The following PHLDB3 variants were observed in gnomAD, a reference collection of about 807,000 sequenced individuals.
The protein encoded by PHLDB3 is pleckstrin homology-like domain family B member 3.
Under a neutral mutation model 85.7 loss-of-function variants are expected in PHLDB3, and 86 were observed. The ratio of observed to expected loss-of-function variants is 1.00; its 90% CI spans 0.84 to 1.20. PHLDB3 has a LOEUF of 1.20. Ranked by LOEUF, PHLDB3 falls within the 50% of genes most tolerant of loss-of-function variation. The pLI is 0.00. For missense variants in PHLDB3, 995 were observed against 873.0 expected, an observed-to-expected ratio of 1.14 and a Z score of -1.76; for synonymous variants, 376 against 349.8, an observed-to-expected ratio of 1.07 and a Z score of -0.83.
At position 43,502,251 on chromosome 19, in the gene PHLDB3, G is replaced by A; in HGVS notation, c.246C>T (p.Ala82=). The part of the protein sequence containing the change: ...PEATPPIAMA[A]TPPASTSSRE... ...GCGAAGAGGTGGATGCGGGAGGTGTGGCCGCCATAGCTATCGGAGGCGTAG... is the reference window on the plus strand; with the variant it reads ...GCGAAGAGGTGGATGCGGGAGGTGTAGCCGCCATAGCTATCGGAGGCGTAG... Residue 82 remains alanine (A), a synonymous_variant, in exon 3 of 16, where the codon GCC becomes GCT. Transcript: ENST00000292140. 1 of 1,564,246 alleles carries A rather than the reference G, an allele frequency of 6.4e-7. No individual in the cohort carries two copies. Among genetic ancestry groups the A allele is most frequent in the Non-Finnish European group, 8.6e-7 (1 of 1,157,330 alleles).
rs1035599310 is a variant in PHLDB3, at chr19:43,501,724, C to T, written c.534+10G>A. 6.3e-7 allele frequency: 1 copy of T among 1,582,504 alleles called. No individual in the cohort carries two copies. The highest frequency in any genetic ancestry group is 8.5e-7 in the Non-Finnish European group (1 of 1,170,990). ...ACACTGCTGATGAAGACCCGGTGAG[C>T]CAAACAGACCTGTTCCCGCTGCTGG... is the stretch of plus-strand genomic sequence containing the variant. On this transcript the variant is annotated intron_variant, in intron 4 of 15. Transcript: ENST00000292140.
In PHLDB3 at chr19:43,479,570, AGGGTGGGGTGGGGT is replaced by A; in HGVS notation, c.1495_1508del (p.Thr499SerfsTer54). ...GGAGATCCAAGATTCGCGGGCCTGG[AGGGTGGGGTGGGGT>A]GGGTGGGGCCTGGGGAGCAAAGAGA... is the stretch of plus-strand genomic sequence containing the variant. On this transcript the variant is annotated frameshift_variant, in exon 14 of 16. Coordinates refer to ENST00000292140, the MANE Select transcript of PHLDB3 (RefSeq NM_198850.4). LOFTEE classifies it high-confidence loss of function. 4 of 145,890 alleles carry A rather than the reference AGGGTGGGGTGGGGT, an allele frequency of 2.7e-5. No homozygotes were observed. The highest frequency in any genetic ancestry group is 4.7e-5 in the Non-Finnish European group (4 of 84,724). 9.0% of individuals were successfully genotyped at this position (145,890 alleles called of 1,614,324 possible). A position where few individuals can be genotyped will look rare whatever the true frequency, so the allele number is the denominator to read the frequency against.
chr19:43,486,259 G>GCCC lies in PHLDB3; in HGVS notation c.1485+6_1485+7insGGG. 1 of 665,630 alleles carries GCCC rather than the reference G, an allele frequency of 1.5e-6. No individual in the cohort carries two copies. The highest frequency in any genetic ancestry group is 4.9e-5 in the East Asian group (1 of 20,374). 41.2% of individuals were successfully genotyped at this position (665,630 alleles called of 1,614,324 possible). The stretch of plus-strand genomic sequence containing the variant: ...GAGGTGGGCGTGAGGGCGGGGGTGG[G>GCCC]ACTGACCGTGATGGCAGGAACAGCA... On this transcript the variant is annotated splice_region_variant and intron_variant, in intron 13 of 15. Transcript: ENST00000292140.
At chr19:43,488,640 C>T (rs975333926) in intron 9 of PHLDB3, among the ~76,000 whole-genome samples, 4 of 151,966 alleles carry the variant, frequency 2.6e-5, no homozygotes, top group Admixed American at 1.3e-4. Context: ...AATTCCAATT[C>T]TAGAAATTCA....
rs1476604932 is a variant in PHLDB3 at position 43,497,354 on chromosome 19, C to A, written c.664-75G>T. On this transcript the variant is annotated intron_variant, in intron 5 of 15. Coordinates refer to ENST00000292140, the MANE Select transcript of PHLDB3 (RefSeq NM_198850.4). ...AGGGAGTAGTGGGCTGGGGCTGGGA[C>A]TCCTGGTCAGAGGAAGAAGGTGACT... The A allele has an allele frequency of 2.5e-6, 3 of 1,210,720 alleles. No homozygotes were observed. In the East Asian group the frequency reaches 8.8e-5, roughly 36 times the overall value. 75.0% of individuals were successfully genotyped at this position (1,210,720 alleles called of 1,614,324 possible).
intron 4 of PHLDB3, among the ~76,000 whole-genome samples, chr19:43,500,021 C>G (rs1004176352): frequency 6.6e-6 from 1 of 152,096 alleles, no homozygotes; most frequent in Non-Finnish European, 1.5e-5. Flanking sequence ...GGGCAGATCA[C>G]CTGAGGTCAG....
rs997355110 is a variant in PHLDB3 at position 43,487,071 on chromosome 19, C to A, written c.1202G>T (p.Arg401Met). ...TGSLPRKRGERGSQRGSPRPL... is the reference protein window; with the variant it reads ...TGSLPRKRGEMGSQRGSPRPL... Reference sequence around the variant, plus strand: ...TCGGGGGGATCCTCTCTGGCTCCCCCTCTCCCCCCTTTTCCGGGGCAGGCT... The same window carrying A: ...TCGGGGGGATCCTCTCTGGCTCCCCATCTCCCCCCTTTTCCGGGGCAGGCT... Residue 401 changes from arginine to methionine, a missense_variant, in exon 10 of 16, where the codon AGG becomes ATG. Transcript: ENST00000292140. The A allele has an allele frequency of 1.3e-6, 2 of 1,580,034 alleles. No homozygotes were observed. The highest frequency in any genetic ancestry group is 1.7e-6 in the Non-Finnish European group (2 of 1,163,562).
At chr19:43,492,758 A>C (rs1651016691) in intron 9 of PHLDB3, among the ~76,000 whole-genome samples, 1 of 152,164 alleles carries the variant, frequency 6.6e-6, no homozygotes, top group South Asian at 2.1e-4. Context: ...TATAACATGG[A>C]AACAAGAACC....
In PHLDB3 at chr19:43,495,522, C is replaced by T. The variant is rs1035541004; in HGVS notation, c.924G>A (p.Lys308=). ...AAESRGLSRK[K]EEALQALSQE... is the part of the protein sequence containing the mutation. Reference sequence around the variant, plus strand: ...GTGACAGGGCCTGAAGGGCCTCCTCCTTCTTCCGGCTCAACCCCCGGCTCT... The same window carrying T: ...GTGACAGGGCCTGAAGGGCCTCCTCTTTCTTCCGGCTCAACCCCCGGCTCT... The change falls in exon 7 of 16, where the codon AAG becomes AAA. Residue 308 remains lysine, a synonymous_variant. Transcript: ENST00000292140. 1.2e-6 allele frequency: 2 copies of T among 1,606,410 alleles called. No individual in the cohort carries two copies. The highest frequency in any genetic ancestry group is 1.1e-5 in the South Asian group (1 of 89,662).
chr19:43,488,474 CA>C (rs1307337273), intron 9 of PHLDB3, among the ~76,000 whole-genome samples: 1 of 151,734 alleles, frequency 6.6e-6, no homozygotes. Flanking sequence ...ATAAGTAAAA[CA>C]AAAAAACAAA....
rs1599931775 is a variant in PHLDB3 at position 43,479,436 on chromosome 19, G to C, written c.1643C>G (p.Thr548Ser). The change falls in exon 14 of 16, where the codon ACC (threonine) becomes AGC (serine). Residue 548 changes from threonine (T) to serine (S), a missense_variant. Thr to Ser is a moderately conservative substitution (Grantham distance 58). Transcript: ENST00000292140. ...PLVKMGGRIK[T>S]WRKRWFCFDR... ...AAAGCAGAACCATCGCTTCCTCCAG[G>C]TCTTGATGCGGCCGCCCATCTTCAC... 1.3e-6 allele frequency: 2 copies of C among 1,567,462 alleles called. No homozygotes were observed. The highest frequency in any genetic ancestry group is 1.7e-6 in the Non-Finnish European group (2 of 1,156,514).
Position 43,481,324 on chromosome 19 carries a change from A to G in PHLDB3, c.1486-1731T>C, listed in dbSNP as rs966612182. ...ATGGCGAAACCCCGTCTCTACAAAAAATACAAAAATTAGGCTGGGCGTGGT... is the reference window on the plus strand; with the variant it reads ...ATGGCGAAACCCCGTCTCTACAAAAGATACAAAAATTAGGCTGGGCGTGGT... On this transcript the variant is annotated intron_variant, in intron 13 of 15. Coordinates refer to ENST00000292140, the MANE Select transcript of PHLDB3 (RefSeq NM_198850.4). Among the ~76,000 whole-genome samples, 17 of 152,172 alleles carry G rather than the reference A, an allele frequency of 1.1e-4. 1 individual carries two copies. The highest frequency in any genetic ancestry group is 6.3e-3 in the Middle Eastern group (2 of 316).
At chr19:43,480,615 G>A (rs1971026354) in intron 13 of PHLDB3, among the ~76,000 whole-genome samples, 1 of 152,082 alleles carries the variant, frequency 6.6e-6, no homozygotes, top group South Asian at 2.1e-4. Context: ...GAAAGAGAGA[G>A]CTTGTTTACA....
Position 43,501,716 on chromosome 19 carries a change from C to A in PHLDB3, c.534+18G>T. On this transcript the variant is annotated intron_variant, in intron 4 of 15. Coordinates refer to ENST00000292140, the MANE Select transcript of PHLDB3 (RefSeq NM_198850.4). ...CAGGAAGGACACTGCTGATGAAGAC[C>A]CGGTGAGCCAAACAGACCTGTTCCC... The A allele has an allele frequency of 2.5e-6, 4 of 1,575,964 alleles. No individual in the cohort carries two copies. The highest frequency in any genetic ancestry group is 3.3e-4 in the Middle Eastern group (2 of 6,040).
At chr19:43,485,026 A>G (rs1000188780) in intron 13 of PHLDB3, among the ~76,000 whole-genome samples, 5 of 151,808 alleles carry the variant, frequency 3.3e-5, no homozygotes, top group Non-Finnish European at 5.9e-5. Flanking sequence ...GAAAAATATT[A>G]AAAATAAAAA....
Position 43,496,887 on chromosome 19 carries a change from G to A in PHLDB3, c.825+231C>T, listed in dbSNP as rs892530121. The A allele has an allele frequency of 2.6e-4, 143 of 555,618 alleles. 1 individual carries two copies. The East Asian group carries it at 4.1e-3, about 16-fold the overall frequency. The allele number at this position is 555,618 out of a possible 1,614,324, so 34.4% of individuals were successfully genotyped here. On this transcript the variant is annotated intron_variant, in intron 6 of 15. Coordinates refer to ENST00000292140, the MANE Select transcript of PHLDB3 (RefSeq NM_198850.4). ...ATTTATAACGTGAAAAAAAAAAAAC[G>A]TAATAGAACTTGCCTCATAAGTTTG...
chr19:43,478,231 G>A, intron 14 of PHLDB3, 99 bp from the exon 15 acceptor site: 1 of 859,936 alleles, frequency 1.2e-6, no homozygotes, highest in Non-Finnish European at 1.9e-6. Flanking sequence ...GACTGGATTT[G>A]GGTAAGAAAC....
chr19:43,478,182 G>T, intron 14 of PHLDB3, 50 bp from the exon 15 acceptor site: 1 of 1,464,462 alleles, frequency 6.8e-7, no homozygotes, highest in Non-Finnish European at 9.6e-7. Context: ...AGGTGTGTCT[G>T]TGTGTGTCGA....
chr19:43,501,437 G>A (rs1971596043), intron 4 of PHLDB3: 1 of 410,998 alleles, frequency 2.4e-6, no homozygotes, highest in Non-Finnish European at 4.3e-6. Flanking sequence ...CGCCCGCCTC[G>A]GCCTCCCAAA....
Sources: allele counts gnomAD v4.1 joint callset (sites outside exome capture counted in the v4.1 genomes callset), GRCh38; gene constraint gnomAD v4.1.1; transcripts MANE v1.5; gene names NCBI Gene and HGNC (gene_info 2026-07-23, HGNC 2026-07-21).